Variants in FOXM1 observed in about 807,000 individuals in gnomAD.
FOXM1 encodes the protein forkhead box M1.
A neutral mutation model predicts 63.6 loss-of-function variants in FOXM1; 25 were observed. That is an observed-to-expected ratio of 0.39 (90% confidence interval 0.29 to 0.55). FOXM1 has a LOEUF of 0.55. Among genes scored for constraint, FOXM1 ranks in the 20% least tolerant of loss-of-function variants. FOXM1 has a pLI of 0.60. For missense variants in FOXM1, 879 were observed against 958.7 expected, an observed-to-expected ratio of 0.92 and a Z score of 1.10; for synonymous variants, 387 against 376.9, an observed-to-expected ratio of 1.03 and a Z score of -0.31.
chr12:2,868,831 T>C (rs2153937664), intron 3 of FOXM1, 77 bp from the exon 4 acceptor site: 5 of 1,150,844 alleles, frequency 4.3e-6, no homozygotes, highest in South Asian at 3.0e-5. Flanking sequence ...GAAGAACATC[T>C]AGAGAAACCT....
At chr12:2,870,255 C>CA (rs994635126) in intron 3 of FOXM1, among the ~76,000 whole-genome samples, 5 of 152,198 alleles carry the variant, frequency 3.3e-5, no homozygotes, top group African/African-American at 1.2e-4. Context: ...TGATTACAAG[C>CA]ATGAGTTATC....
rs1272628692 is a variant in FOXM1, at chr12:2,872,010, G to T, written c.654+86C>A. 7.1e-7 allele frequency: 1 copy of T among 1,399,556 alleles called. No homozygotes were observed. The highest frequency in any genetic ancestry group is 1.0e-6 in the Non-Finnish European group (1 of 988,594). 86.7% of individuals were successfully genotyped at this position (1,399,556 alleles called of 1,614,324 possible). A position where few individuals can be genotyped will look rare whatever the true frequency, so the allele number is the denominator to read the frequency against. ...CTAATACCAGAACTTGGAAATTCTG[G>T]TCCATCAGGCCACTTGATCCATTTC... On this transcript the variant is annotated intron_variant, in intron 3 of 8. Coordinates refer to ENST00000359843, the MANE Select transcript of FOXM1 (RefSeq NM_021953.4). The surrounding 1 kb of genome is among the most constrained non-coding windows in gnomAD (Gnocchi z 4.0).
At position 2,858,455 on chromosome 12, in the gene FOXM1, G is replaced by C. The variant is rs1305811715; in HGVS notation, c.*183C>G. ...GACAGCAGAGGAATCAGATACTCTTGGGGAACACAAGGTCCCAGCAGTGGC... is the reference window on the plus strand; with the variant it reads ...GACAGCAGAGGAATCAGATACTCTTCGGGAACACAAGGTCCCAGCAGTGGC... On this transcript the variant is annotated 3_prime_UTR_variant, in exon 9 of 9. Coordinates refer to ENST00000359843, the MANE Select transcript of FOXM1 (RefSeq NM_021953.4). 1.7e-6 allele frequency: 1 copy of C among 581,830 alleles called. No individual in the cohort carries two copies. Among genetic ancestry groups the C allele is most frequent in the African/African-American group, 1.9e-5 (1 of 53,700 alleles). The allele number at this position is 581,830 out of a possible 1,614,324, so 36.0% of individuals were successfully genotyped here. A position where few individuals can be genotyped will look rare whatever the true frequency, so the allele number is the denominator to read the frequency against.
At chr12:2,875,760 A>ATTTTTTT (rs2098141768) in intron 1 of FOXM1, among the ~76,000 whole-genome samples, 1 of 139,908 alleles carries the variant, frequency 7.1e-6, no homozygotes, top group African/African-American at 2.9e-5. Flanking sequence ...GATTTTTTTT[A>ATTTTTTT]ATTTTTTTTT....
rs772093393 is a variant in FOXM1 at position 2,858,450 on chromosome 12, C to T, written c.*188G>A. ...GCAGGGACAGCAGAGGAATCAGATA[C>T]TCTTGGGGAACACAAGGTCCCAGCA... On this transcript the variant is annotated 3_prime_UTR_variant, in exon 9 of 9. Coordinates refer to ENST00000359843, the MANE Select transcript of FOXM1 (RefSeq NM_021953.4). 24 of 578,894 alleles carry T rather than the reference C, an allele frequency of 4.1e-5. No individual in the cohort carries two copies. The highest frequency in any genetic ancestry group is 6.1e-5 in the Non-Finnish European group (20 of 327,470). 35.9% of individuals were successfully genotyped at this position (578,894 alleles called of 1,614,324 possible).
Position 2,858,597 on chromosome 12 carries a change from G to T in FOXM1, c.*41C>A. The T allele has an allele frequency of 1.9e-6, 3 of 1,572,512 alleles. No individual in the cohort carries two copies. The highest frequency in any genetic ancestry group is 2.3e-5 in the South Asian group (2 of 85,882). ...GGGTGCACTGAGCCTTGGAGTGCCC[G>T]GGATGGTGGACAGCTTGAGCACAGG... On this transcript the variant is annotated 3_prime_UTR_variant, in exon 9 of 9. Transcript: ENST00000359843.
intron 8 of FOXM1, among the ~76,000 whole-genome samples, chr12:2,860,299 T>C (rs1284599481): frequency 6.6e-6 from 1 of 152,060 alleles, no homozygotes; most frequent in African/African-American, 2.4e-5. Context: ...CTGAGCAACA[T>C]AGTGAGATCC....
intron 2 of FOXM1, among the ~76,000 whole-genome samples, chr12:2,873,124 G>A (rs1246682415): frequency 6.6e-6 from 1 of 152,088 alleles, no homozygotes; most frequent in Non-Finnish European, 1.5e-5. Context: ...GAGGCCAGGC[G>A]CAGTGGCTCA....
intron 3 of FOXM1, among the ~76,000 whole-genome samples, chr12:2,869,341 C>G (rs1010153499): frequency 6.6e-6 from 1 of 152,132 alleles, no homozygotes; most frequent in African/African-American, 2.4e-5. Flanking sequence ...TGGATCACAG[C>G]TCACTGCAGC....
In FOXM1 at chr12:2,859,013, T is replaced by C. The variant is rs769677621; in HGVS notation, c.1917A>G (p.Pro639=). Reference sequence around the variant, plus strand: ...CAGAGGCACCCTGGGAGGTTTGTACTGGGCTGAAATCCAGTCCCCCTACTT... The same window carrying C: ...CAGAGGCACCCTGGGAGGTTTGTACCGGGCTGAAATCCAGTCCCCCTACTT... ...PAKVGGLDFS[P]VQTSQGASDP... is the part of the protein sequence containing the mutation. Residue 639 remains proline, a synonymous_variant, in exon 9 of 9, where the codon CCA becomes CCG. Transcript: ENST00000359843. The C allele has an allele frequency of 2.5e-6, 4 of 1,612,324 alleles. No individual in the cohort carries two copies. The highest frequency in any genetic ancestry group is 3.4e-6 in the Non-Finnish European group (4 of 1,179,194).
At chr12:2,868,462 C>G in intron 4 of FOXM1, 101 bp downstream of exon 4, 1 of 795,446 alleles carries the variant, frequency 1.3e-6, no homozygotes. Flanking sequence ...TTCTAGTGTC[C>G]TTTGCACTTA....
Position 2,859,499 on chromosome 12 carries a change from G to C in FOXM1, c.1431C>G (p.Ile477Met). The change falls in exon 9 of 9, where the codon ATC becomes ATG. Residue 477 changes from isoleucine (I) to methionine (M), a missense_variant. By Grantham distance (10) the Ile-to-Met change is conservative (BLOSUM62 1). Coordinates refer to ENST00000359843, the MANE Select transcript of FOXM1 (RefSeq NM_021953.4). ...GEEMPHLARP[I>M]KVESPPLEEW... The stretch of plus-strand genomic sequence containing the variant: ...CTTCCAAGGGAGGGCTCTCCACTTT[G>C]ATGGGTCTCGCTAAGTGTGGCATTT... 6.2e-7 allele frequency: 1 copy of C among 1,613,998 alleles called. No homozygotes were observed. The highest frequency in any genetic ancestry group is 8.5e-7 in the Non-Finnish European group (1 of 1,180,018).
Position 2,859,203 on chromosome 12 carries a change from G to A in FOXM1, c.1727C>T (p.Pro576Leu), listed in dbSNP as rs770809844. Residue 576 changes from proline (P) to leucine (L), a missense_variant, in exon 9 of 9, where the codon CCG (proline) becomes CTG (leucine). Pro to Leu is a moderately conservative substitution (Grantham distance 98, BLOSUM62 -3). Transcript: ENST00000359843. ...PSTSRWAAEL[P>L]FPADSSDPAS... Reference sequence around the variant, plus strand: ...AGGGTCAGAGGAGTCTGCTGGGAACGGGAGCTCTGCGGCCCAGCGGGAAGT... The same window carrying A: ...AGGGTCAGAGGAGTCTGCTGGGAACAGGAGCTCTGCGGCCCAGCGGGAAGT... The A allele has an allele frequency of 1.5e-4, 249 of 1,611,818 alleles. 5 individuals are homozygous for A. Among genetic ancestry groups the A allele is most frequent in the South Asian group, 1.3e-3 (118 of 91,058 alleles).
chr12:2,859,455 G>T lies in FOXM1; in HGVS notation c.1475C>A (p.Pro492Gln). ...GTGAGATGATTCCTCTTTGAAAGAT[G>T]GGGCCGGGGAGGGCCACTCTTCCAA... ...PPLEEWPSPA[P>Q]SFKEESSHSW... Residue 492 changes from proline to glutamine, a missense_variant, in exon 9 of 9, where the codon CCA becomes CAA. Pro to Gln is a moderately conservative substitution (Grantham distance 76). Coordinates refer to ENST00000359843, the MANE Select transcript of FOXM1 (RefSeq NM_021953.4). 6.2e-7 allele frequency: 1 copy of T among 1,613,974 alleles called. No homozygotes were observed.
Position 2,858,383 on chromosome 12 carries a change from CT to C in FOXM1, c.*254del. ...AAACAGGCTGGGGGGTTCCTAATCTCTTTTCACCATTGCCTTTGTTGTTCCC... is the reference window on the plus strand; with the variant it reads ...AAACAGGCTGGGGGGTTCCTAATCTCTTTCACCATTGCCTTTGTTGTTCCC... On this transcript the variant is annotated 3_prime_UTR_variant, in exon 9 of 9. Coordinates refer to ENST00000359843, the MANE Select transcript of FOXM1 (RefSeq NM_021953.4). 2.1e-6 allele frequency: 1 copy of C among 473,612 alleles called. No homozygotes were observed. The highest frequency in any genetic ancestry group is 3.7e-5 in the South Asian group (1 of 26,896). The allele number at this position is 473,612 out of a possible 1,614,324, so 29.3% of individuals were successfully genotyped here. A position where few individuals can be genotyped will look rare whatever the true frequency, so the allele number is the denominator to read the frequency against.
At position 2,864,693 on chromosome 12, in the gene FOXM1, G is replaced by C; in HGVS notation, c.1080C>G (p.Pro360=). 4 of 1,614,184 alleles carry C rather than the reference G, an allele frequency of 2.5e-6. No individual in the cohort carries two copies. Among genetic ancestry groups the C allele is most frequent in the Non-Finnish European group, 3.4e-6 (4 of 1,180,026 alleles). ...RRNMTIKTEL[P]LGARRKMKPL... ...CTCTCCCATACTAACGTGCGCCCAG[G>C]GGGAGTTCGGTTTTGATGGTCATGT... Residue 360 remains proline, a synonymous_variant, in exon 7 of 9, where the codon CCC becomes CCG. Transcript: ENST00000359843. This position sits in a 1 kb window ranked among gnomAD's most constrained non-coding sequence, Gnocchi z 5.1.
At chr12:2,865,557 C>T (rs958096284) in intron 5 of FOXM1, among the ~76,000 whole-genome samples, 158 bp from the exon 6 acceptor site, 1 of 151,982 alleles carries the variant, frequency 6.6e-6, no homozygotes, top group Non-Finnish European at 1.5e-5. Flanking sequence ...TACCAGCAGC[C>T]TTATGGGCAC....
rs562908528 is a variant in FOXM1, at chr12:2,872,622, G to T, written c.503-375C>A. On this transcript the variant is annotated intron_variant, in intron 2 of 8. Coordinates refer to ENST00000359843, the MANE Select transcript of FOXM1 (RefSeq NM_021953.4). The surrounding 1 kb of genome is among the most constrained non-coding windows in gnomAD (Gnocchi z 4.0). Reference sequence around the variant, plus strand: ...TCTCAGAAAAATAAAAAATAAAAAAGAAAGAATTGGTGGCTAGGGATCACT... The same window carrying T: ...TCTCAGAAAAATAAAAAATAAAAAATAAAGAATTGGTGGCTAGGGATCACT... Among the ~76,000 whole-genome samples, 21 of 152,082 alleles carry T rather than the reference G, an allele frequency of 1.4e-4. No homozygotes were observed. In the South Asian group the frequency reaches 2.5e-3, roughly 18 times the overall value.
chr12:2,871,211 GAAAAA>G (rs905399256), intron 3 of FOXM1, among the ~76,000 whole-genome samples: 7 of 150,678 alleles, frequency 4.6e-5, no homozygotes, highest in African/African-American at 1.7e-4. Flanking sequence ...TAAAAGTTGA[GAAAAA>G]AAAGAAAATA....
Sources: allele counts gnomAD v4.1 joint callset (sites outside exome capture counted in the v4.1 genomes callset), GRCh38; gene constraint gnomAD v4.1.1; non-coding constraint Gnocchi (gnomAD v3.1); transcripts MANE v1.5; gene names NCBI Gene and HGNC (gene_info 2026-07-23, HGNC 2026-07-21).